GALNT7: variants seen among roughly 807,000 people sequenced by gnomAD.
GALNT7 encodes the protein polypeptide N-acetylgalactosaminyltransferase 7, also known as N-acetylgalactosaminyltransferase 7.
GALNT7 carries 60 observed loss-of-function variants against 82.1 expected under a neutral mutation model. That is an observed-to-expected ratio of 0.73 (90% CI 0.59 to 0.91). The LOEUF (loss-of-function observed/expected upper bound fraction) is 0.91. GALNT7 is among the 40% of genes least tolerant of loss of function. The probability of loss-of-function intolerance (pLI) is 0.00; values close to 1 mark genes in which losing one functional copy is unlikely to be tolerated. For missense variants in GALNT7, 660 were observed against 804.2 expected (o/e 0.82, Z 2.17); for synonymous variants, 243 against 275.1 (o/e 0.88, Z 1.15).
chr4:173,219,911 G>C (rs191560664), intron 1 of GALNT7, among the ~76,000 whole-genome samples: 1 of 152,294 alleles, frequency 6.6e-6, no homozygotes, highest in East Asian at 1.9e-4. Context: ...TGGATGTATA[G>C]ATTGTGAAGA....
chr4:173,172,072 GGAGT>G (rs1246137412), intron 1 of GALNT7, among the ~76,000 whole-genome samples: 12 of 152,216 alleles, frequency 7.9e-5, no homozygotes, highest in African/African-American at 2.9e-4. Flanking sequence ...TTTTTGAGCA[GGAGT>G]GAGAGTATTA....
At chr4:173,257,721 A>G (rs949292857) in intron 2 of GALNT7, among the ~76,000 whole-genome samples, 2 of 152,178 alleles carry the variant, frequency 1.3e-5, no homozygotes, top group African/African-American at 2.4e-5. Context: ...TTTAGAATGA[A>G]CCCTGCCATT....
chr4:173,270,044 A>G (rs1297074526), intron 2 of GALNT7, among the ~76,000 whole-genome samples: 1 of 152,222 alleles, frequency 6.6e-6, no homozygotes, highest in Non-Finnish European at 1.5e-5. Flanking sequence ...CTAGAACCTG[A>G]AAAATATAAA....
chr4:173,210,694 C>A (rs1733252361), intron 1 of GALNT7, among the ~76,000 whole-genome samples: 1 of 152,064 alleles, frequency 6.6e-6, no homozygotes, highest in Non-Finnish European at 1.5e-5. Flanking sequence ...GGCCTCGCAG[C>A]GTACTAGGAT....
At chr4:173,220,864 GT>G (rs1733622405) in intron 1 of GALNT7, among the ~76,000 whole-genome samples, 3 of 152,256 alleles carry the variant, frequency 2.0e-5, no homozygotes, top group African/African-American at 7.2e-5. Context: ...GTACTCCATG[GT>G]GTATATGTGC....
intron 1 of GALNT7, among the ~76,000 whole-genome samples, chr4:173,177,922 T>C (rs1732103707): frequency 1.3e-5 from 2 of 152,058 alleles, no homozygotes; most frequent in African/African-American, 4.8e-5. Context: ...GAACTGTAAC[T>C]ATCAAAGAGG....
intron 2 of GALNT7, among the ~76,000 whole-genome samples, chr4:173,267,719 A>G (rs1735555194): frequency 6.6e-6 from 1 of 152,222 alleles, no homozygotes; most frequent in Admixed American, 6.5e-5. Flanking sequence ...AGTGATGAGC[A>G]TGATATTGAG....
At chr4:173,184,395 G>C (rs968071008) in intron 1 of GALNT7, among the ~76,000 whole-genome samples, 2 of 152,094 alleles carry the variant, frequency 1.3e-5, no homozygotes, top group Non-Finnish European at 2.9e-5. Context: ...TCAGGAGCTG[G>C]AGACCAGCCC....
rs1737004074 is a variant in GALNT7, at chr4:173,302,997, C to T, written c.1266+833C>T. Among the ~76,000 whole-genome samples the T allele has an allele frequency of 6.6e-6, 1 of 152,170 alleles. No homozygotes were observed. The highest frequency in any genetic ancestry group is 1.5e-5 in the Non-Finnish European group (1 of 68,028). ...GGATCATGAGGTCAAGAGATCGAGA[C>T]CATCCTAGCCAACATGGTGAAACCC... On this transcript the variant is annotated intron_variant, in intron 7 of 11. Transcript: ENST00000265000. The surrounding 1 kb of genome is among the most constrained non-coding windows in gnomAD (Gnocchi z 4.2).
intron 1 of GALNT7, among the ~76,000 whole-genome samples, chr4:173,184,087 C>G (rs1278767513): frequency 6.6e-6 from 1 of 150,878 alleles, no homozygotes; most frequent in African/African-American, 2.4e-5. Context: ...GGATGAGGGT[C>G]GGGAAGAGGC....
At chr4:173,188,509 C>G (rs1732524434) in intron 1 of GALNT7, among the ~76,000 whole-genome samples, 1 of 152,210 alleles carries the variant, frequency 6.6e-6, no homozygotes. Context: ...AAAGAAACTT[C>G]AGCATTTTAG....
chr4:173,234,929 G>A (rs1403410761), intron 1 of GALNT7, among the ~76,000 whole-genome samples: 1 of 152,142 alleles, frequency 6.6e-6, no homozygotes, highest in Non-Finnish European at 1.5e-5. Flanking sequence ...AGCAGCCTGA[G>A]GCCCTATCAG....
At chr4:173,201,647 T>G (rs1732948194) in intron 1 of GALNT7, among the ~76,000 whole-genome samples, 1 of 152,198 alleles carries the variant, frequency 6.6e-6, no homozygotes, top group Non-Finnish European at 1.5e-5. Flanking sequence ...CAACTCCCAT[T>G]CAGAGCAGAT....
chr4:173,196,077 T>C (rs1246701919), intron 1 of GALNT7, among the ~76,000 whole-genome samples: 1 of 152,052 alleles, frequency 6.6e-6, no homozygotes, highest in African/African-American at 2.4e-5. Flanking sequence ...CAAAATTACA[T>C]AACAATTTTC....
intron 1 of GALNT7, among the ~76,000 whole-genome samples, chr4:173,196,050 C>CT (rs1453696621): frequency 3.3e-5 from 5 of 152,040 alleles, no homozygotes; most frequent in Middle Eastern, 3.2e-3. Context: ...GGAAAAAAAT[C>CT]TAACAGTTGG....
At chr4:173,259,126 C>A (rs1037330688) in intron 2 of GALNT7, among the ~76,000 whole-genome samples, 1 of 152,128 alleles carries the variant, frequency 6.6e-6, no homozygotes. Flanking sequence ...CAAAATCACC[C>A]CTGATTAAAA....
At chr4:173,274,286 T>C (rs185809154) in intron 2 of GALNT7, among the ~76,000 whole-genome samples, 1 of 152,328 alleles carries the variant, frequency 6.6e-6, no homozygotes, top group Admixed American at 6.5e-5. Context: ...TAGTTCAGTA[T>C]TCTTAATTTT....
chr4:173,197,747 G>A (rs1732820676), intron 1 of GALNT7, among the ~76,000 whole-genome samples: 1 of 152,186 alleles, frequency 6.6e-6, no homozygotes, highest in Non-Finnish European at 1.5e-5. Context: ...TGTGGTTGGA[G>A]AGAAGTGGGG....
chr4:173,185,067 T>A (rs1732423615), intron 1 of GALNT7, among the ~76,000 whole-genome samples: 1 of 152,234 alleles, frequency 6.6e-6, no homozygotes, highest in Non-Finnish European at 1.5e-5. Context: ...GGATTTTACA[T>A]GTGTACGTTA....
Sources: gnomAD v4.1 joint callset for allele counts (sites outside exome capture counted in the v4.1 genomes callset) on GRCh38, gnomAD v4.1.1 for gene constraint, Gnocchi (gnomAD v3.1) non-coding constraint, MANE v1.5 for transcripts, NCBI Gene and HGNC (gene_info 2026-07-23, HGNC 2026-07-21) for gene names.